The following CSMD1 variants were observed in gnomAD, a reference collection of about 807,000 sequenced individuals.
CSMD1 encodes CUB and Sushi multiple domains 1.
CSMD1 carries 213 observed loss-of-function variants against 417.5 expected under a neutral mutation model. That is an observed-to-expected ratio of 0.51 (90% CI 0.46 to 0.57). CSMD1 has a LOEUF of 0.57. CSMD1 is among the 20% of genes least tolerant of loss of function. The pLI is 0.00. For missense variants in CSMD1, 6,923 were observed against 4,529.7 expected, an observed-to-expected ratio of 1.53 and a Z score of -15.17; for synonymous variants, 2,862 against 1,736.8, an observed-to-expected ratio of 1.65 and a Z score of -16.11.
At chr8:4,915,821 G>A (rs1055376247) in intron 1 of CSMD1, among the ~76,000 whole-genome samples, 1 of 152,200 alleles carries the variant, frequency 6.6e-6, no homozygotes, top group Non-Finnish European at 1.5e-5. Flanking sequence ...TTGGCCACAC[G>A]GAGACCCATC....
At chr8:4,896,996 T>C (rs543115076) in intron 1 of CSMD1, among the ~76,000 whole-genome samples, 18 of 152,242 alleles carry the variant, frequency 1.2e-4, no homozygotes, top group Non-Finnish European at 2.5e-4. Context: ...TGTGTCTCGT[T>C]TTTTACACTG....
chr8:4,415,411 G>A (rs1034277289), intron 3 of CSMD1, among the ~76,000 whole-genome samples: 1 of 152,192 alleles, frequency 6.6e-6, no homozygotes, highest in Non-Finnish European at 1.5e-5. Context: ...TTGACACAAA[G>A]TAGGCATTTA....
rs577679190 is a variant in CSMD1 at position 3,645,770 on chromosome 8, G to A, written c.1010-28973C>T. Among the ~76,000 whole-genome samples the A allele has an allele frequency of 1.2e-4, 18 of 152,310 alleles. No individual in the cohort carries two copies. The South Asian group carries it at 1.4e-3, about 12-fold the overall frequency. On this transcript the variant is annotated intron_variant, in intron 7 of 69. Transcript: ENST00000635120. ...AAAAGTTAGGTTATTATAAGAAAAG[G>A]TGAGAAAAACAGAAAACATACCAAA...
chr8:3,995,475 C>T (rs1413862942), intron 5 of CSMD1, among the ~76,000 whole-genome samples: 2 of 152,172 alleles, frequency 1.3e-5, no homozygotes, highest in South Asian at 2.1e-4. Context: ...AGCCTGTAGT[C>T]CTGAAACAGA....
At chr8:4,125,097 G>A (rs972216819) in intron 3 of CSMD1, among the ~76,000 whole-genome samples, 2 of 140,808 alleles carry the variant, frequency 1.4e-5, no homozygotes, top group Admixed American at 1.5e-4. Flanking sequence ...CCTTGAAGCC[G>A]GTGAGACCAG....
At position 4,935,769 on chromosome 8, in the gene CSMD1, G is replaced by C. The variant is rs573942952; in HGVS notation, c.85+58563C>G. Among the ~76,000 whole-genome samples the C allele has an allele frequency of 2.0e-5, 3 of 152,282 alleles. No homozygotes were observed. The South Asian group carries it at 6.2e-4, about 32-fold the overall frequency. On this transcript the variant is annotated intron_variant, in intron 1 of 69. Transcript: ENST00000635120. ...AATCTGAGAAGTTCTTCTGTGATTAGAAAGAAAGACGAGGAATACAAGAAT... is the reference window on the plus strand; with the variant it reads ...AATCTGAGAAGTTCTTCTGTGATTACAAAGAAAGACGAGGAATACAAGAAT...
rs1397116647 is a variant in CSMD1, at chr8:3,096,973, C to T, written c.7014G>A (p.Pro2338=). The change falls in exon 47 of 70, where the codon CCG becomes CCA. Residue 2338 remains proline, a synonymous_variant. Coordinates refer to ENST00000635120, the MANE Select transcript of CSMD1 (RefSeq NM_033225.6). ...AAGTCTGGGAGTTAAAATAATTACC[C>T]GGATACCCTGGACTGAGAATGACTC... is the stretch of plus-strand genomic sequence containing the variant. ...SSGVILSPGY[P]GNYFNSQTCS... is the part of the protein sequence containing the mutation. 28 of 1,555,216 alleles carry T rather than the reference C, an allele frequency of 1.8e-5. No homozygotes were observed. The highest frequency in any genetic ancestry group is 2.7e-5 in the African/African-American group (2 of 73,338).
chr8:3,924,857 AT>A, intron 5 of CSMD1, among the ~76,000 whole-genome samples: 1 of 152,222 alleles, frequency 6.6e-6, no homozygotes, highest in South Asian at 2.1e-4. Context: ...CGGTTCAAAA[AT>A]TCTCATTTCT....
chr8:4,626,413 T>C (rs1802115114), intron 2 of CSMD1, among the ~76,000 whole-genome samples: 1 of 152,034 alleles, frequency 6.6e-6, no homozygotes, highest in African/African-American at 2.4e-5. Flanking sequence ...AAGGAAGTAG[T>C]AGTCCAACAA....
chr8:3,108,928 C>A (rs998338560), intron 43 of CSMD1, among the ~76,000 whole-genome samples, 180 bp from the exon 44 acceptor site: 1 of 152,220 alleles, frequency 6.6e-6, no homozygotes, highest in Non-Finnish European at 1.5e-5. Flanking sequence ...ACCCTCCAGT[C>A]TCTGTCTTTC....
At chr8:4,066,565 A>T (rs541309167) in intron 3 of CSMD1, among the ~76,000 whole-genome samples, 1 of 152,222 alleles carries the variant, frequency 6.6e-6, no homozygotes, top group Non-Finnish European at 1.5e-5. Context: ...GACTTGTTAC[A>T]TGATGTGGTA....
chr8:4,469,493 A>T lies in CSMD1; in HGVS notation c.303-49428T>A, dbSNP rs140818381. On this transcript the variant is annotated intron_variant, in intron 2 of 69. Transcript: ENST00000635120. ...CCAATTCAGATCAAAACAGGTGAGTAGATTTTACCTAGAACCAAACCTATT... is the reference window on the plus strand; with the variant it reads ...CCAATTCAGATCAAAACAGGTGAGTTGATTTTACCTAGAACCAAACCTATT... 4.8e-3 allele frequency among the ~76,000 whole-genome samples: 737 copies of T among 152,340 alleles called. 4 individuals carry two copies. Among genetic ancestry groups the T allele is most frequent in the Non-Finnish European group, 8.2e-3 (560 of 68,024 alleles).
intron 41 of CSMD1, among the ~76,000 whole-genome samples, chr8:3,130,751 C>T (rs558875769): frequency 1.2e-4 from 19 of 152,206 alleles, no homozygotes; most frequent in African/African-American, 3.9e-4. Context: ...CCCAGGCCCC[C>T]GCTCACAACC....
intron 3 of CSMD1, among the ~76,000 whole-genome samples, chr8:4,304,186 A>C (rs1391309041): frequency 6.6e-6 from 1 of 152,208 alleles, no homozygotes; most frequent in East Asian, 1.9e-4. Flanking sequence ...AATTTGGGAG[A>C]ATAAGCCAGT....
At chr8:3,104,027 G>C (rs1380190371) in intron 46 of CSMD1, among the ~76,000 whole-genome samples, 1 of 152,292 alleles carries the variant, frequency 6.6e-6, no homozygotes, top group African/African-American at 2.4e-5. Context: ...ACAGGCATGA[G>C]CCACTGTCCC....
chr8:3,675,442 C>A (rs1244343572), intron 7 of CSMD1, among the ~76,000 whole-genome samples: 1 of 152,156 alleles, frequency 6.6e-6, no homozygotes, highest in Non-Finnish European at 1.5e-5. Flanking sequence ...GATGGAAAGA[C>A]CAAAAATCCA....
At chr8:4,046,428 T>A (rs1208254967) in intron 3 of CSMD1, among the ~76,000 whole-genome samples, 2 of 152,216 alleles carry the variant, frequency 1.3e-5, no homozygotes, top group Non-Finnish European at 2.9e-5. Context: ...AACCTAAATG[T>A]GCTTTCTGTT....
intron 4 of CSMD1, among the ~76,000 whole-genome samples, chr8:4,015,801 G>T (rs775364879): frequency 2.6e-5 from 4 of 152,112 alleles, no homozygotes; most frequent in Non-Finnish European, 5.9e-5. Flanking sequence ...AAAAACAAGG[G>T]TGAAACTTCA....
intron 3 of CSMD1, among the ~76,000 whole-genome samples, chr8:4,224,374 A>C (rs78539994): frequency 6.6e-6 from 1 of 152,314 alleles, no homozygotes; most frequent in East Asian, 1.9e-4. Flanking sequence ...GCAACAGCAC[A>C]TATTTTGATG....
Sources: gnomAD v4.1 joint callset for allele counts (sites outside exome capture counted in the v4.1 genomes callset) on GRCh38, gnomAD v4.1.1 for gene constraint, MANE v1.5 for transcripts, NCBI Gene and HGNC (gene_info 2026-07-23, HGNC 2026-07-21) for gene names.